USP37: variants seen among roughly 807,000 people sequenced by gnomAD.
USP37 encodes ubiquitin carboxyl-terminal hydrolase 37.
USP37 carries 27 observed loss-of-function variants against 124.0 expected under a neutral mutation model. The observed-to-expected ratio is 0.22, with a 90% confidence interval of 0.16 to 0.30. The LOEUF (loss-of-function observed/expected upper bound fraction) is 0.30. Ranked by LOEUF, USP37 falls within the 10% of genes least tolerant of loss-of-function variation. The pLI is 1.00. For synonymous variants in USP37, 365 were observed against 388.0 expected (o/e 0.94, Z 0.70); for missense variants, 889 against 1,140.4 (o/e 0.78, Z 3.17).
intron 10 of USP37, among the ~76,000 whole-genome samples, chr2:218,522,167 C>A (rs1365326371): frequency 1.3e-5 from 2 of 151,894 alleles, no homozygotes; most frequent in African/African-American, 4.8e-5. Flanking sequence ...GGTGAGTCAC[C>A]ACACCGCACC....
At chr2:218,563,164 A>C (rs1442735387) in intron 1 of USP37, among the ~76,000 whole-genome samples, 7 of 23,260 alleles carry the variant, frequency 3.0e-4, no homozygotes, top group Non-Finnish European at 8.5e-5. Context: ...ACTCCATCTC[A>C]AAAAAAAAAA....
intron 11 of USP37, chr2:218,501,160 T>TAG (rs925714423): frequency 3.3e-5 from 5 of 151,732 alleles, no homozygotes; most frequent in African/African-American, 9.7e-5. Context: ...CCACCTCAGC[T>TAG]TCCTGAGTAG....
chr2:218,506,505 G>A (rs535468706), intron 11 of USP37, among the ~76,000 whole-genome samples: 1 of 151,172 alleles, frequency 6.6e-6, no homozygotes, highest in Non-Finnish European at 1.5e-5. Context: ...TGGTCAGGTT[G>A]GTCTCGAACT....
intron 1 of USP37, among the ~76,000 whole-genome samples, chr2:218,566,375 A>G (rs183109212): frequency 1.4e-3 from 207 of 152,348 alleles, no homozygotes; most frequent in Admixed American, 3.7e-3. Context: ...CAGGTTATGC[A>G]GTCTTGTGAA....
intron 10 of USP37, among the ~76,000 whole-genome samples, chr2:218,512,814 G>T (rs758749732): frequency 2.6e-5 from 4 of 151,970 alleles, no homozygotes; most frequent in Admixed American, 6.6e-5. Flanking sequence ...TCTTTATATT[G>T]TAGTTGTTTC....
chr2:218,511,174 C>G (rs1689968053), intron 10 of USP37, among the ~76,000 whole-genome samples: 2 of 151,854 alleles, frequency 1.3e-5, no homozygotes, highest in South Asian at 4.2e-4. Flanking sequence ...AAGTCTTGCT[C>G]TGTCACCCAG....
At chr2:218,535,507 T>A (rs1042359732) in intron 8 of USP37, among the ~76,000 whole-genome samples, 3 of 150,176 alleles carry the variant, frequency 2.0e-5, no homozygotes, top group Non-Finnish European at 4.4e-5. Context: ...AGGTTGGGAG[T>A]TCGAGACCAG....
At chr2:218,461,642 A>G (rs975359119) in intron 22 of USP37, among the ~76,000 whole-genome samples, 6 of 152,218 alleles carry the variant, frequency 3.9e-5, no homozygotes, top group Admixed American at 3.3e-4. Context: ...GCCATACCCC[A>G]AGCCAGCAAT....
In USP37 at chr2:218,511,402, G is replaced by A. The variant is rs531190057; in HGVS notation, c.864-1262C>T. Among the ~76,000 whole-genome samples, 13 of 152,220 alleles carry A rather than the reference G, an allele frequency of 8.5e-5. No individual in the cohort carries two copies. The South Asian group carries it at 1.7e-3, about 19-fold the overall frequency. On this transcript the variant is annotated intron_variant, in intron 10 of 25. Transcript: ENST00000258399. ...CGGCTCACTGCAACCTCCGCCTCCC[G>A]GATTCAAGCGATTCTCCTGCCTCAG...
chr2:218,544,406 A>AAT lies in USP37; in HGVS notation c.680+1813_680+1814dup, dbSNP rs1198499526. On this transcript the variant is annotated intron_variant, in intron 8 of 25. Transcript: ENST00000258399. ...TTTCACAAAAAAAAAAAAAAAAAAA[A>AAT]ATATATATATATATATATATATATA... 6.6e-3 allele frequency among the ~76,000 whole-genome samples: 544 copies of AAT among 82,848 alleles called. 9 individuals are homozygous for AAT. The highest frequency in any genetic ancestry group is 0.014 in the Middle Eastern group (2 of 144). The allele number at this position is 82,848 out of a possible 152,430, so 54.4% of individuals were successfully genotyped here. A position where few individuals can be genotyped will look rare whatever the true frequency, so the allele number is the denominator to read the frequency against.
chr2:218,455,656 C>T lies in USP37; in HGVS notation c.2776G>A (p.Glu926Lys), dbSNP rs1165491051. ...GCAGCCTCTTGGATTTTTGATACCT[C>T]CAGGTCATTGTAAGTAAACCACGCT... Reference protein sequence around the residue: ...KQAWFTYNDLEVSKIQEAAVQ... With the variant: ...KQAWFTYNDLKVSKIQEAAVQ... Residue 926 changes from glutamate to lysine, a missense_variant, in exon 25 of 26, where the codon GAG (glutamate) becomes AAG (lysine). Glu to Lys is a moderately conservative substitution (Grantham distance 56). Transcript: ENST00000258399. 1 of 1,614,188 alleles carries T rather than the reference C, an allele frequency of 6.2e-7. No individual in the cohort carries two copies. Among genetic ancestry groups the T allele is most frequent in the Non-Finnish European group, 8.5e-7 (1 of 1,180,040 alleles).
chr2:218,487,404 T>A (rs1485593350), intron 15 of USP37, among the ~76,000 whole-genome samples: 3 of 152,242 alleles, frequency 2.0e-5, no homozygotes, highest in South Asian at 4.1e-4. Context: ...AATACTTTAA[T>A]ATTTGTTTAC....
chr2:218,537,237 T>G (rs1237126238), intron 8 of USP37, among the ~76,000 whole-genome samples: 1 of 152,216 alleles, frequency 6.6e-6, no homozygotes, highest in Non-Finnish European at 1.5e-5. Flanking sequence ...GCTAGTCCTG[T>G]GATTTCCTTT....
At chr2:218,508,608 T>C (rs1167734320) in intron 11 of USP37, among the ~76,000 whole-genome samples, 1 of 152,010 alleles carries the variant, frequency 6.6e-6, no homozygotes, top group Non-Finnish European at 1.5e-5. Flanking sequence ...CAAAATGGGA[T>C]AGATAAGACC....
intron 20 of USP37, among the ~76,000 whole-genome samples, chr2:218,468,958 G>C (rs1315758756): frequency 6.6e-6 from 1 of 152,150 alleles, no homozygotes; most frequent in Non-Finnish European, 1.5e-5. Flanking sequence ...CTCCCAAAGT[G>C]CTGGGATTAT....
chr2:218,479,323 T>C (rs573979482), intron 18 of USP37, among the ~76,000 whole-genome samples: 2 of 152,354 alleles, frequency 1.3e-5, no homozygotes, highest in South Asian at 4.1e-4. Flanking sequence ...GGGGTTATTT[T>C]ATCCCTTAAA....
At chr2:218,496,604 T>TAAAATATGGTAAAATACACA (rs139902111) in intron 13 of USP37, among the ~76,000 whole-genome samples, 1 of 152,178 alleles carries the variant, frequency 6.6e-6, no homozygotes. Flanking sequence ...AATCTATATT[T>TAAAATATGGTAAAATACACA]GAAGAGTCAC....
chr2:218,497,693 G>T, intron 13 of USP37, 41 bp downstream of exon 13: 1 of 1,609,024 alleles, frequency 6.2e-7, no homozygotes, highest in South Asian at 1.1e-5. Context: ...GTGAGCCACC[G>T]TGTCAGGCCT....
intron 14 of USP37, among the ~76,000 whole-genome samples, chr2:218,493,659 T>TG (rs1559183878): frequency 6.6e-6 from 1 of 152,082 alleles, no homozygotes; most frequent in African/African-American, 2.4e-5. Flanking sequence ...TTAATGAAGA[T>TG]GGGGTTTCAC....
Sources: gnomAD v4.1 joint callset for allele counts (sites outside exome capture counted in the v4.1 genomes callset) on GRCh38, gnomAD v4.1.1 for gene constraint, MANE v1.5 for transcripts, NCBI Gene and HGNC (gene_info 2026-07-23, HGNC 2026-07-21) for gene names.